Variants in WWOX observed in about 807,000 individuals in gnomAD.
WWOX encodes WW domain-containing oxidoreductase.
A neutral mutation model predicts 46.2 loss-of-function variants in WWOX; 69 were observed. The observed-to-expected ratio is 1.49, with a 90% CI of 1.23 to 1.82. WWOX has a LOEUF of 1.82. Ranked by LOEUF, WWOX falls within the 40% of genes most tolerant of loss-of-function variation. WWOX has a pLI of 0.00. For synonymous variants in WWOX, 359 were observed against 202.6 expected (o/e 1.77, Z -6.56); for missense variants, 919 against 542.6 (o/e 1.69, Z -6.89).
chr16:78,193,692 G>C (rs911338417), intron 5 of WWOX, among the ~76,000 whole-genome samples: 3 of 152,108 alleles, frequency 2.0e-5, no homozygotes, highest in African/African-American at 7.2e-5. Context: ...ATGGGTATGT[G>C]AGTATAGATG....
intron 8 of WWOX, among the ~76,000 whole-genome samples, chr16:78,488,803 G>C (rs1196294837): frequency 6.6e-6 from 1 of 152,126 alleles, no homozygotes; most frequent in Non-Finnish European, 1.5e-5. Flanking sequence ...TAGGTCTAAT[G>C]ATATCATTAT....
At chr16:78,848,973 C>T (rs571666484) in intron 8 of WWOX, among the ~76,000 whole-genome samples, 35 of 152,270 alleles carry the variant, frequency 2.3e-4, no homozygotes, top group African/African-American at 7.0e-4. Flanking sequence ...TGCTGAAAAT[C>T]ATTTGCTGCG....
intron 8 of WWOX, among the ~76,000 whole-genome samples, chr16:78,609,433 G>A (rs1182315161): frequency 6.6e-6 from 1 of 150,866 alleles, no homozygotes; most frequent in African/African-American, 2.4e-5. Flanking sequence ...TAAAGCGATA[G>A]TCCTATTTTC....
intron 6 of WWOX, among the ~76,000 whole-genome samples, chr16:78,404,079 G>A (rs964489264): frequency 3.9e-5 from 6 of 152,254 alleles, no homozygotes; most frequent in African/African-American, 7.2e-5. Flanking sequence ...AGAAGAGTTC[G>A]TTTCCAGTGC....
intron 8 of WWOX, among the ~76,000 whole-genome samples, chr16:78,722,915 G>C (rs565960244): frequency 6.6e-6 from 1 of 151,992 alleles, no homozygotes; most frequent in Non-Finnish European, 1.5e-5. Flanking sequence ...AGTGGCTCAC[G>C]CCTGTAGCCC....
intron 5 of WWOX, among the ~76,000 whole-genome samples, chr16:78,304,331 A>G (rs185061032): frequency 6.6e-6 from 1 of 152,330 alleles, no homozygotes; most frequent in East Asian, 1.9e-4. Flanking sequence ...TAATGCATTG[A>G]CATTGTTCAA....
chr16:78,712,735 C>T (rs1389846056), intron 8 of WWOX, among the ~76,000 whole-genome samples: 5 of 151,690 alleles, frequency 3.3e-5, no homozygotes, highest in African/African-American at 9.7e-5. Context: ...AGATGCATAC[C>T]GAAAAATCTA....
chr16:78,101,344 G>A (rs1471583902), intron 1 of WWOX, among the ~76,000 whole-genome samples: 1 of 25,714 alleles, frequency 3.9e-5, no homozygotes, highest in African/African-American at 8.9e-5. Flanking sequence ...ACCGCTCCCG[G>A]CCTTTTTTTT....
intron 6 of WWOX, among the ~76,000 whole-genome samples, chr16:78,408,132 G>C (rs1449960516): frequency 6.6e-6 from 1 of 152,170 alleles, no homozygotes; most frequent in African/African-American, 2.4e-5. Context: ...ACAGTTTAAA[G>C]ACTGAAAGCC....
At chr16:79,006,158 A>T (rs2047186337) in intron 8 of WWOX, among the ~76,000 whole-genome samples, 1 of 152,188 alleles carries the variant, frequency 6.6e-6, no homozygotes, top group African/African-American at 2.4e-5. Flanking sequence ...CTGAGATTGA[A>T]CTACAGAAAG....
chr16:78,524,354 CT>C (rs2043411727), intron 8 of WWOX, among the ~76,000 whole-genome samples: 1 of 152,060 alleles, frequency 6.6e-6, no homozygotes, highest in Non-Finnish European at 1.5e-5. Context: ...TAAAATGCAA[CT>C]TAATTGGTAA....
intron 8 of WWOX, among the ~76,000 whole-genome samples, chr16:78,692,733 A>G (rs7194544): frequency 6.6e-6 from 1 of 152,210 alleles, no homozygotes; most frequent in East Asian, 1.9e-4. Flanking sequence ...TCTTAATTTC[A>G]TGCTTCTTAA....
At chr16:79,048,641 A>G (rs1597323610) in intron 8 of WWOX, among the ~76,000 whole-genome samples, 2 of 152,160 alleles carry the variant, frequency 1.3e-5, no homozygotes, top group South Asian at 2.1e-4. Context: ...TCTGATAATT[A>G]TACTCTAAAG....
At chr16:79,179,650 T>C (rs2050870434) in intron 8 of WWOX, among the ~76,000 whole-genome samples, 1 of 152,326 alleles carries the variant, frequency 6.6e-6, no homozygotes, top group Non-Finnish European at 1.5e-5. Flanking sequence ...TCCATTGTAT[T>C]TGAGCCACTG....
chr16:78,267,320 T>C lies in WWOX; in HGVS notation c.516+103031T>C, dbSNP rs1055994843. The stretch of plus-strand genomic sequence containing the variant: ...TCATTTATGTGTGGAGTGCTTAATG[T>C]GGTCACACGGATATTAATTGCATGT... On this transcript the variant is annotated intron_variant, in intron 5 of 8. Coordinates refer to ENST00000566780, the MANE Select transcript of WWOX (RefSeq NM_016373.4). Among the ~76,000 whole-genome samples, 10 of 152,384 alleles carry C rather than the reference T, an allele frequency of 6.6e-5. No individual in the cohort carries two copies. The East Asian group carries it at 1.7e-3, about 26-fold the overall frequency.
chr16:78,555,933 G>A (rs1411964753), intron 8 of WWOX, among the ~76,000 whole-genome samples: 1 of 152,060 alleles, frequency 6.6e-6, no homozygotes, highest in Non-Finnish European at 1.5e-5. Flanking sequence ...ATTATTCTGT[G>A]ATAATAATAA....
At chr16:78,595,600 G>A (rs1179787625) in intron 8 of WWOX, among the ~76,000 whole-genome samples, 2 of 152,168 alleles carry the variant, frequency 1.3e-5, no homozygotes, top group Non-Finnish European at 2.9e-5. Context: ...TTAAGATAGG[G>A]CAGGCAGGGC....
chr16:78,410,339 G>A (rs567790993), intron 6 of WWOX, among the ~76,000 whole-genome samples: 3 of 152,164 alleles, frequency 2.0e-5, no homozygotes, highest in Admixed American at 6.5e-5. Context: ...CCTTGATCAC[G>A]GTCTGCAGCA....
At chr16:78,473,569 T>A (rs79371847) in intron 8 of WWOX, among the ~76,000 whole-genome samples, 14,158 of 142,620 alleles carry the variant, frequency 0.099, 986 homozygotes, top group Admixed American at 0.24. Context: ...CACTTATCTG[T>A]GAGCAGACGT....
Sources: allele counts gnomAD v4.1 joint callset (sites outside exome capture counted in the v4.1 genomes callset), GRCh38; gene constraint gnomAD v4.1.1; transcripts MANE v1.5; gene names NCBI Gene and HGNC (gene_info 2026-07-23, HGNC 2026-07-21).